Variants in ATP11B observed in about 807,000 individuals in gnomAD.
ATP11B encodes phospholipid-transporting ATPase IF.
A neutral mutation model predicts 157.8 loss-of-function variants in ATP11B; 81 were observed. The ratio of observed to expected loss-of-function variants is 0.51; its 90% CI spans 0.43 to 0.62. The LOEUF (loss-of-function observed/expected upper bound fraction) is 0.62. ATP11B is among the 20% of genes least tolerant of loss of function. ATP11B has a pLI of 0.00. For missense variants in ATP11B, 1,165 were observed against 1,402.2 expected, an observed-to-expected ratio of 0.83 and a Z score of 2.70; for synonymous variants, 451 against 469.4, an observed-to-expected ratio of 0.96 and a Z score of 0.51.
At chr3:182,822,746 T>C (rs1225513168) in intron 2 of ATP11B, among the ~76,000 whole-genome samples, 2 of 152,198 alleles carry the variant, frequency 1.3e-5, no homozygotes, top group Non-Finnish European at 2.9e-5. Context: ...AGTGTAAAAG[T>C]GTTCCTATTT....
intron 1 of ATP11B, among the ~76,000 whole-genome samples, chr3:182,797,698 ACT>A (rs1174684166): frequency 2.0e-5 from 3 of 150,330 alleles, no homozygotes; most frequent in South Asian, 4.2e-4. Flanking sequence ...ACAGAGGGAG[ACT>A]CTGTCTCAAA....
intron 2 of ATP11B, among the ~76,000 whole-genome samples, chr3:182,825,081 C>T (rs1378663420): frequency 1.3e-5 from 2 of 152,156 alleles, no homozygotes; most frequent in African/African-American, 4.8e-5. Flanking sequence ...TTCTCTTGGT[C>T]TCCTTCCAGA....
chr3:182,897,204 G>C, intron 26 of ATP11B, 99 bp from the exon 27 acceptor site: 2 of 641,170 alleles, frequency 3.1e-6, no homozygotes, highest in Non-Finnish European at 5.3e-6. Flanking sequence ...TCTTCTGAGA[G>C]ACTTTTAGAT....
Position 182,836,156 on chromosome 3 carries a change from A to T in ATP11B, c.423+14A>T, listed in dbSNP as rs372502564. ...AAAAACATTCGGGTATGCATCTGGT[A>T]AATAATGGAAATCAACTTTATCTTG... On this transcript the variant is annotated intron_variant, in intron 5 of 29. Coordinates refer to ENST00000323116, the MANE Select transcript of ATP11B (RefSeq NM_014616.3). 8.7e-6 allele frequency: 14 copies of T among 1,601,810 alleles called. No individual in the cohort carries two copies. In the African/African-American group the frequency reaches 1.7e-4, roughly 20 times the overall value.
intron 1 of ATP11B, among the ~76,000 whole-genome samples, chr3:182,811,582 C>T (rs1367611537): frequency 2.0e-5 from 3 of 152,280 alleles, no homozygotes; most frequent in African/African-American, 7.2e-5. Flanking sequence ...TTGAGGCATA[C>T]ACCTCTTAGC....
chr3:182,909,276 T>C (rs1724596622), intron 28 of ATP11B, among the ~76,000 whole-genome samples: 1 of 152,238 alleles, frequency 6.6e-6, no homozygotes, highest in Admixed American at 6.5e-5. Flanking sequence ...TGAGCATTTT[T>C]ATTATCTGTG....
intron 26 of ATP11B, among the ~76,000 whole-genome samples, 160 bp downstream of exon 26, chr3:182,896,925 A>G (rs1370457473): frequency 2.0e-5 from 3 of 152,154 alleles, no homozygotes; most frequent in African/African-American, 7.2e-5. Flanking sequence ...TTTGTCAAAA[A>G]ATTATTTTTA....
At chr3:182,899,818 G>T (rs1723827640) in intron 28 of ATP11B, among the ~76,000 whole-genome samples, 1 of 152,106 alleles carries the variant, frequency 6.6e-6, no homozygotes, top group Non-Finnish European at 1.5e-5. Flanking sequence ...TTAGTTGACT[G>T]TGTCTTTTTT....
intron 8 of ATP11B, among the ~76,000 whole-genome samples, chr3:182,843,220 C>T (rs1719189298): frequency 6.6e-6 from 1 of 152,186 alleles, no homozygotes; most frequent in Non-Finnish European, 1.5e-5. Context: ...AAGCACTTTG[C>T]ATTTCATCTG....
At chr3:182,835,685 C>T (rs1213241294) in intron 4 of ATP11B, among the ~76,000 whole-genome samples, 1 of 150,056 alleles carries the variant, frequency 6.7e-6, no homozygotes, top group Non-Finnish European at 1.5e-5. Context: ...TTTGGAATTA[C>T]CAGCATATTT....
intron 19 of ATP11B, among the ~76,000 whole-genome samples, chr3:182,876,902 G>A (rs1177107657): frequency 6.6e-6 from 1 of 152,182 alleles, no homozygotes; most frequent in East Asian, 1.9e-4. Context: ...GGTATCTTTT[G>A]ATGGAATATA....
At chr3:182,832,913 C>G (rs1718261267) in intron 4 of ATP11B, among the ~76,000 whole-genome samples, 1 of 151,978 alleles carries the variant, frequency 6.6e-6, no homozygotes, top group South Asian at 2.1e-4. Context: ...TCTGGATGAT[C>G]AGAGACGGTT....
At chr3:182,907,104 A>AAAAG in intron 28 of ATP11B, among the ~76,000 whole-genome samples, 1 of 152,124 alleles carries the variant, frequency 6.6e-6, no homozygotes, top group South Asian at 2.1e-4. Flanking sequence ...AAAAAAAAAA[A>AAAAG]AAAGAAAGAA....
chr3:182,836,132 AAAAC>A lies in ATP11B; in HGVS notation c.415_418del (p.Asn139PhefsTer9). 6.2e-7 allele frequency: 1 copy of A among 1,612,982 alleles called. No homozygotes were observed. Among genetic ancestry groups the A allele is most frequent in the Non-Finnish European group, 8.5e-7 (1 of 1,179,374 alleles). On this transcript the variant is annotated frameshift_variant, in exon 5 of 30. Transcript: ENST00000323116. LOFTEE classifies it high-confidence loss of function. ...GGTGGCCTTGTAAAAACTAGATCAA[AAAAC>A]ATTCGGGTATGCATCTGGTAAATAA...
intron 20 of ATP11B, among the ~76,000 whole-genome samples, chr3:182,879,912 T>C (rs995425994): frequency 6.6e-6 from 1 of 152,210 alleles, no homozygotes; most frequent in African/African-American, 2.4e-5. Flanking sequence ...CTGTGATAAC[T>C]AATGTTTCGC....
intron 13 of ATP11B, 133 bp downstream of exon 13, chr3:182,865,831 A>G (rs1721189619): frequency 1.4e-6 from 1 of 703,454 alleles, no homozygotes; most frequent in East Asian, 2.8e-5. Context: ...TATTTGATTC[A>G]ACAATATAAA....
At chr3:182,871,237 A>G (rs943975026) in intron 17 of ATP11B, among the ~76,000 whole-genome samples, 3 of 150,408 alleles carry the variant, frequency 2.0e-5, no homozygotes, top group Admixed American at 1.3e-4. Context: ...GTTCAAGGCT[A>G]TAGTAAGCCA....
intron 28 of ATP11B, 56 bp downstream of exon 28, chr3:182,898,828 G>A (rs1723750097): frequency 8.6e-7 from 1 of 1,162,690 alleles, no homozygotes; most frequent in Non-Finnish European, 1.1e-6. Context: ...CTTTAATAAT[G>A]AATAGCTGTC....
At chr3:182,796,664 A>G (rs1212773634) in intron 1 of ATP11B, among the ~76,000 whole-genome samples, 1 of 152,206 alleles carries the variant, frequency 6.6e-6, no homozygotes, top group Non-Finnish European at 1.5e-5. Context: ...GCTGGTATTA[A>G]CAGATGCTGA....
Sources: allele counts gnomAD v4.1 joint callset (sites outside exome capture counted in the v4.1 genomes callset), GRCh38; gene constraint gnomAD v4.1.1; transcripts MANE v1.5; gene names NCBI Gene and HGNC (gene_info 2026-07-23, HGNC 2026-07-21).